Variants in NUCKS1 observed in about 807,000 individuals in gnomAD.
NUCKS1 encodes the protein nuclear casein kinase and cyclin dependent kinase substrate 1, also known as nuclear ubiquitous casein and cyclin-dependent kinase substrate 1.
NUCKS1 carries 2 observed loss-of-function variants against 33.0 expected under a neutral mutation model. The ratio of observed to expected loss-of-function variants is 0.06; its 90% confidence interval spans 0.02 to 0.19. NUCKS1 has a LOEUF of 0.19. Among genes scored for constraint, NUCKS1 ranks in the 10% least tolerant of loss-of-function variants. The pLI is 1.00. For missense variants in NUCKS1, 201 were observed against 293.6 expected (o/e 0.68, Z 2.31); for synonymous variants, 106 against 102.8 (o/e 1.03, Z -0.19).
At chr1:205,729,488 T>C (rs1195609375) in intron 2 of NUCKS1, 84 bp downstream of exon 2, 10 of 952,910 alleles carry the variant, frequency 1.0e-5, no homozygotes, top group Admixed American at 6.2e-5. Context: ...GTAAAACTTA[T>C]TCCAAAAGCA....
At position 205,750,131 on chromosome 1, in the gene NUCKS1, A is replaced by T. The variant is rs925904169; in HGVS notation, c.-158T>A. The T allele has an allele frequency of 5.3e-6, 4 of 754,116 alleles. No homozygotes were observed. The highest frequency in any genetic ancestry group is 8.8e-6 in the Non-Finnish European group (4 of 452,814). 46.7% of individuals were successfully genotyped at this position (754,116 alleles called of 1,614,324 possible). A position where few individuals can be genotyped will look rare whatever the true frequency, so the allele number is the denominator to read the frequency against. On this transcript the variant is annotated 5_prime_UTR_variant, in exon 1 of 7. Coordinates refer to ENST00000367142, the MANE Select transcript of NUCKS1 (RefSeq NM_022731.5). ...CTCAAACTCCGCTGCTCTTTGGTTC[A>T]GGGCTCCTGGAACAGACGAGCCCCC...
chr1:205,724,053 T>C (rs1671964124), intron 3 of NUCKS1, 72 bp from the exon 4 acceptor site: 1 of 1,102,410 alleles, frequency 9.1e-7, no homozygotes. Flanking sequence ...AGATCTCTGA[T>C]TTCTGACTTG....
At position 205,717,571 on chromosome 1, in the gene NUCKS1, A is replaced by G. The variant is rs1671845311; in HGVS notation, c.*709T>C. The G allele has an allele frequency of 1.0e-6, 1 of 985,160 alleles. No individual in the cohort carries two copies. Among genetic ancestry groups the G allele is most frequent in the Non-Finnish European group, 1.2e-6 (1 of 830,046 alleles). 61.0% of individuals were successfully genotyped at this position (985,160 alleles called of 1,614,324 possible). A position where few individuals can be genotyped will look rare whatever the true frequency, so the allele number is the denominator to read the frequency against. On this transcript the variant is annotated 3_prime_UTR_variant, in exon 7 of 7. Transcript: ENST00000367142. ...ACTGGCTCCGAGTCTCTTTGAGATA[A>G]CAAGTGATGAAATAAAAAAGAAAGC...
rs998449473 is a variant in NUCKS1 at position 205,716,680 on chromosome 1, A to G, written c.*1600T>C. 2 of 152,214 alleles carry G rather than the reference A, an allele frequency of 1.3e-5. No individual in the cohort carries two copies. The highest frequency in any genetic ancestry group is 2.4e-5 in the African/African-American group (1 of 41,454). The allele number at this position is 152,214 out of a possible 1,614,324, so 9.4% of individuals were successfully genotyped here. ...GATATTGAGGAAGCAAATCTAGATT[A>G]AAAGGCAGGAAAAAAAGGCAGAAGT... On this transcript the variant is annotated 3_prime_UTR_variant, in exon 7 of 7. Coordinates refer to ENST00000367142, the MANE Select transcript of NUCKS1 (RefSeq NM_022731.5).
At chr1:205,744,630 G>GTT (rs10672842) in intron 1 of NUCKS1, among the ~76,000 whole-genome samples, 43 of 87,766 alleles carry the variant, frequency 4.9e-4, no homozygotes, top group South Asian at 1.4e-3. Flanking sequence ...GTTCACTAGA[G>GTT]TTTTTTTTTT....
chr1:205,748,434 A>G (rs1390325344), intron 1 of NUCKS1, among the ~76,000 whole-genome samples: 4 of 152,242 alleles, frequency 2.6e-5, no homozygotes, highest in Non-Finnish European at 4.4e-5. Context: ...ATCCTAAAGA[A>G]AATATTCTAC....
chr1:205,735,552 G>A (rs775211573), intron 1 of NUCKS1, among the ~76,000 whole-genome samples: 56 of 152,174 alleles, frequency 3.7e-4, no homozygotes, highest in Non-Finnish European at 7.1e-4. Flanking sequence ...ATAGCAGAGA[G>A]GTTAAAAACA....
At chr1:205,727,416 A>T (rs529887428) in intron 3 of NUCKS1, among the ~76,000 whole-genome samples, 2 of 152,356 alleles carry the variant, frequency 1.3e-5, no homozygotes, top group African/African-American at 4.8e-5. Flanking sequence ...ACAACTTAAG[A>T]TTCTACAAGC....
intron 1 of NUCKS1, among the ~76,000 whole-genome samples, chr1:205,740,085 C>T (rs1327371799): frequency 2.2e-5 from 3 of 138,118 alleles, no homozygotes; most frequent in African/African-American, 7.9e-5. Flanking sequence ...TCACTACAAC[C>T]TCTGCCTCCC....
intron 1 of NUCKS1, among the ~76,000 whole-genome samples, chr1:205,730,076 CAG>C (rs569095980): frequency 2.6e-5 from 4 of 151,642 alleles, no homozygotes; most frequent in Non-Finnish European, 4.4e-5. Flanking sequence ...TTTTTTGAGA[CAG>C]GGTGTCACTC....
intron 1 of NUCKS1, chr1:205,731,074 G>A (rs959822979): frequency 1.3e-5 from 2 of 152,170 alleles, no homozygotes; most frequent in African/African-American, 4.8e-5. Flanking sequence ...TTATACAGAA[G>A]GGGAAGGAAA....
At chr1:205,747,261 C>A (rs562229026) in intron 1 of NUCKS1, among the ~76,000 whole-genome samples, 1 of 152,158 alleles carries the variant, frequency 6.6e-6, no homozygotes, top group African/African-American at 2.4e-5. Context: ...CCTCACTTAT[C>A]CAGGTCCCCA....
Position 205,727,751 on chromosome 1 carries a change from G to A in NUCKS1, c.122C>T (p.Pro41Leu). Residue 41 changes from proline (P) to leucine (L), a missense_variant, in exon 3 of 7, where the codon CCC becomes CTC. Pro to Leu is a moderately conservative substitution (Grantham distance 98). Transcript: ENST00000367142. ...GPPTKKIRSS[P>L]REAKNKRRSG... ...TCGCCTCTTATTTTTAGCTTCTCGG[G>A]GAGATGATCGAATTTTCTTAGTGGG... The A allele has an allele frequency of 6.2e-7, 1 of 1,613,368 alleles. No individual in the cohort carries two copies. Among genetic ancestry groups the A allele is most frequent in the African/African-American group, 1.3e-5 (1 of 74,910 alleles).
At chr1:205,736,212 A>G (rs1012103149) in intron 1 of NUCKS1, among the ~76,000 whole-genome samples, 2 of 152,080 alleles carry the variant, frequency 1.3e-5, no homozygotes, top group African/African-American at 4.8e-5. Flanking sequence ...TCGGCCTCTC[A>G]AAGTGCTAGG....
chr1:205,716,889 G>A lies in NUCKS1; in HGVS notation c.*1391C>T, dbSNP rs1671831031. The A allele has an allele frequency of 1.3e-5, 2 of 152,140 alleles. No individual in the cohort carries two copies. Among genetic ancestry groups the A allele is most frequent in the African/African-American group, 4.8e-5 (2 of 41,422 alleles). 9.4% of individuals were successfully genotyped at this position (152,140 alleles called of 1,614,324 possible). On this transcript the variant is annotated 3_prime_UTR_variant, in exon 7 of 7. Coordinates refer to ENST00000367142, the MANE Select transcript of NUCKS1 (RefSeq NM_022731.5). ...CCTCCTAAAATGCCTTGTTTCTCTA[G>A]TCCCTCCTGCTTTAAGCAGCATGAG...
At chr1:205,733,037 G>C (rs1440460458) in intron 1 of NUCKS1, among the ~76,000 whole-genome samples, 1 of 151,894 alleles carries the variant, frequency 6.6e-6, no homozygotes, top group Non-Finnish European at 1.5e-5. Flanking sequence ...TAGAACCAGG[G>C]GAAGAAAGGT....
At chr1:205,721,975 G>A (rs2102431555) in intron 4 of NUCKS1, among the ~76,000 whole-genome samples, 1 of 151,956 alleles carries the variant, frequency 6.6e-6, no homozygotes, top group African/African-American at 2.4e-5. Context: ...CGCCCAGCTG[G>A]AAAATCTTTA....
intron 1 of NUCKS1, among the ~76,000 whole-genome samples, chr1:205,748,643 T>G (rs1447348934): frequency 6.6e-6 from 1 of 152,166 alleles, no homozygotes; most frequent in African/African-American, 2.4e-5. Flanking sequence ...GAGTACGCAG[T>G]CTCATACCAC....
At chr1:205,723,833 A>G in intron 4 of NUCKS1, 93 bp downstream of exon 4, 2 of 882,084 alleles carry the variant, frequency 2.3e-6, no homozygotes, top group Non-Finnish European at 3.6e-6. Context: ...CCAGATTTGC[A>G]ACAGTGCCTG....
Sources: gnomAD v4.1 joint callset for allele counts (sites outside exome capture counted in the v4.1 genomes callset) on GRCh38, gnomAD v4.1.1 for gene constraint, MANE v1.5 for transcripts, NCBI Gene and HGNC (gene_info 2026-07-23, HGNC 2026-07-21) for gene names.